The following STIM2 variants were observed in gnomAD, a reference collection of about 807,000 sequenced individuals.
The protein encoded by STIM2 is stromal interaction molecule 2.
A neutral mutation model predicts 85.8 loss-of-function variants in STIM2; 31 were observed. The observed-to-expected ratio is 0.36, with a 90% confidence interval of 0.27 to 0.49. The LOEUF is 0.49. STIM2 is among the 20% of genes least tolerant of loss of function. STIM2 has a pLI of 0.98. For missense variants in STIM2, 841 were observed against 927.6 expected, an observed-to-expected ratio of 0.91 and a Z score of 1.21; for synonymous variants, 356 against 331.1, an observed-to-expected ratio of 1.08 and a Z score of -0.82.
chr4:26,905,791 T>A (rs1452013482), intron 1 of STIM2, among the ~76,000 whole-genome samples: 1 of 152,160 alleles, frequency 6.6e-6, no homozygotes, highest in African/African-American at 2.4e-5. Context: ...AATATAGCAC[T>A]GAACAAAACA....
chr4:26,911,266 GAAATA>G (rs1005275953), intron 1 of STIM2, among the ~76,000 whole-genome samples: 7 of 151,598 alleles, frequency 4.6e-5, no homozygotes, highest in South Asian at 2.1e-4. Flanking sequence ...AAAATGAAAT[GAAATA>G]AAATAAAAAA....
chr4:26,873,961 C>T (rs1328296446), intron 1 of STIM2: 8 of 1,134,592 alleles, frequency 7.1e-6, no homozygotes. Flanking sequence ...GGCTGTGAGT[C>T]AGGGATCCAC....
Position 26,939,989 on chromosome 4 carries a change from G to T in STIM2, c.283-17623G>T, listed in dbSNP as rs546753671. 3.9e-5 allele frequency among the ~76,000 whole-genome samples: 6 copies of T among 152,286 alleles called. No homozygotes were observed. The South Asian group carries it at 1.0e-3, about 26-fold the overall frequency. On this transcript the variant is annotated intron_variant, in intron 2 of 11. Coordinates refer to ENST00000467087, the MANE Select transcript of STIM2 (RefSeq NM_020860.4). ...TGGCATGCTCTTGTGATGCACATCT[G>T]TTAGGGGAGCATCAAACAAAGCTCT... is the stretch of plus-strand genomic sequence containing the variant.
rs1300978643 is a variant in STIM2, at chr4:26,888,610, T to G, written c.151+27241T>G. Among the ~76,000 whole-genome samples the G allele has an allele frequency of 2.0e-5, 3 of 152,220 alleles. No homozygotes were observed. The East Asian group carries it at 5.8e-4, about 29-fold the overall frequency. ...TATCCATTCCATTTTTCCCTTTCCC[T>G]TAGCAAGCACCTTAGCTCTTTGTGG... is the stretch of plus-strand genomic sequence containing the variant. On this transcript the variant is annotated intron_variant, in intron 1 of 11. Coordinates refer to ENST00000467087, the MANE Select transcript of STIM2 (RefSeq NM_020860.4).
chr4:26,963,139 G>A (rs1023666153), intron 3 of STIM2, among the ~76,000 whole-genome samples: 3 of 152,102 alleles, frequency 2.0e-5, no homozygotes, highest in Non-Finnish European at 2.9e-5. Context: ...AAATGACCAA[G>A]AGTATTTTCT....
intron 1 of STIM2, among the ~76,000 whole-genome samples, chr4:26,871,919 G>C (rs371831708): frequency 4.6e-5 from 7 of 152,250 alleles, no homozygotes; most frequent in African/African-American, 1.7e-4. Context: ...TTGAATCCCA[G>C]TCTGACAGTG....
intron 4 of STIM2, among the ~76,000 whole-genome samples, chr4:26,998,498 T>A (rs1341503259): frequency 2.0e-5 from 3 of 152,202 alleles, no homozygotes; most frequent in African/African-American, 7.2e-5. Context: ...CAATATGATC[T>A]AAATTGAAAA....
chr4:26,938,253 GTAAGGTATATGA>G (rs1725468049), intron 2 of STIM2, among the ~76,000 whole-genome samples: 1 of 151,352 alleles, frequency 6.6e-6, no homozygotes, highest in African/African-American at 2.4e-5. Flanking sequence ...TTGTGTATAT[GTAAGGTATATGA>G]TATGGTGATT....
chr4:27,001,180 C>T (rs568765464), intron 5 of STIM2, among the ~76,000 whole-genome samples: 8 of 152,146 alleles, frequency 5.3e-5, no homozygotes, highest in Non-Finnish European at 1.2e-4. Context: ...ATGTTTCTGC[C>T]GGAGGCCTGG....
chr4:26,872,919 T>C (rs1722678367), intron 1 of STIM2, among the ~76,000 whole-genome samples: 1 of 152,166 alleles, frequency 6.6e-6, no homozygotes, highest in Admixed American at 6.5e-5. Flanking sequence ...AATTGGGGAA[T>C]AGCATTCCAC....
At chr4:26,998,356 T>TCTAC (rs1185296084) in intron 4 of STIM2, among the ~76,000 whole-genome samples, 4 of 152,210 alleles carry the variant, frequency 2.6e-5, no homozygotes, top group Non-Finnish European at 5.9e-5. Flanking sequence ...TATAAATTCC[T>TCTAC]CTACCTACCT....
chr4:26,894,181 C>A (rs34052188), intron 1 of STIM2, among the ~76,000 whole-genome samples: 2 of 152,112 alleles, frequency 1.3e-5, no homozygotes, highest in Non-Finnish European at 2.9e-5. Flanking sequence ...GCCACTGCAC[C>A]TGGCCTAATT....
At chr4:26,996,936 T>C (rs1013701050) in intron 4 of STIM2, among the ~76,000 whole-genome samples, 1 of 152,188 alleles carries the variant, frequency 6.6e-6, no homozygotes, top group Non-Finnish European at 1.5e-5. Context: ...TAAGTAAAGA[T>C]GATCAGAGAT....
At position 26,995,322 on chromosome 4, in the gene STIM2, ATG is replaced by A; in HGVS notation, c.398-55_398-54del. On this transcript the variant is annotated intron_variant, in intron 3 of 11. Transcript: ENST00000467087. ...TTTATATTCTCTGAAATTATAGAAT[ATG>A]TATTTCTGAAAGCAGGTGTGTTTAA... 1.0e-5 allele frequency: 9 copies of A among 871,420 alleles called. No individual in the cohort carries two copies. The South Asian group carries it at 1.8e-4, about 17-fold the overall frequency. The allele number at this position is 871,420 out of a possible 1,614,324, so 54.0% of individuals were successfully genotyped here.
chr4:26,941,995 T>C (rs981035863), intron 2 of STIM2, among the ~76,000 whole-genome samples: 4 of 152,182 alleles, frequency 2.6e-5, no homozygotes, highest in African/African-American at 7.2e-5. Context: ...CTGTTGTGTA[T>C]TGTTTGGTCA....
At chr4:26,871,756 C>G (rs1202837562) in intron 1 of STIM2, among the ~76,000 whole-genome samples, 1 of 138,162 alleles carries the variant, frequency 7.2e-6, no homozygotes, top group Admixed American at 8.0e-5. Context: ...TTGCCCAGGG[C>G]TGATCTCAAA....
At chr4:26,941,339 C>G (rs907970011) in intron 2 of STIM2, among the ~76,000 whole-genome samples, 1 of 152,148 alleles carries the variant, frequency 6.6e-6, no homozygotes, top group Non-Finnish European at 1.5e-5. Flanking sequence ...TAATCTCTTG[C>G]ATTGCACTAT....
intron 11 of STIM2, chr4:27,019,269 A>G: frequency 2.6e-6 from 1 of 390,902 alleles, no homozygotes; most frequent in Non-Finnish European, 4.8e-6. Context: ...AAATTTTATG[A>G]TTTGCAAGTG....
intron 1 of STIM2, among the ~76,000 whole-genome samples, chr4:26,886,975 T>C (rs923912376): frequency 5.9e-5 from 9 of 152,128 alleles, no homozygotes; most frequent in Non-Finnish European, 1.2e-4. Context: ...GGTGGAGCTA[T>C]ATGTGGATGC....
Sources: allele counts gnomAD v4.1 joint callset (sites outside exome capture counted in the v4.1 genomes callset), GRCh38; gene constraint gnomAD v4.1.1; transcripts MANE v1.5; gene names NCBI Gene and HGNC (gene_info 2026-07-23, HGNC 2026-07-21).